The following PHLDB2 variants were observed in gnomAD, a reference collection of about 807,000 sequenced individuals.
PHLDB2 encodes pleckstrin homology-like domain family B member 2.
Under a neutral mutation model 123.6 loss-of-function variants are expected in PHLDB2, and 71 were observed. The observed-to-expected ratio is 0.57, with a 90% CI of 0.47 to 0.70. PHLDB2 has a LOEUF of 0.70. PHLDB2 is among the 30% of genes least tolerant of loss of function. The pLI is 0.00. For synonymous variants in PHLDB2, 547 were observed against 541.6 expected (o/e 1.01, Z -0.14); for missense variants, 1,446 against 1,519.5 (o/e 0.95, Z 0.80).
intron 2 of PHLDB2, among the ~76,000 whole-genome samples, chr3:111,908,752 A>G (rs1213108649): frequency 1.3e-5 from 2 of 152,206 alleles, no homozygotes; most frequent in Admixed American, 6.5e-5. Flanking sequence ...TTTATCTCTA[A>G]AACAGACAGA....
At chr3:111,965,547 G>T (rs1362596687) in intron 13 of PHLDB2, among the ~76,000 whole-genome samples, 1 of 152,110 alleles carries the variant, frequency 6.6e-6, no homozygotes, top group East Asian at 1.9e-4. Context: ...AATTTTTAAT[G>T]AATTTATTTT....
At chr3:111,793,573 G>A (rs538312837) in intron 1 of PHLDB2, among the ~76,000 whole-genome samples, 15 of 152,022 alleles carry the variant, frequency 9.9e-5, no homozygotes, top group African/African-American at 3.6e-4. Context: ...CTTTTTCCAA[G>A]CAGAAAGAGT....
chr3:111,735,167 A>G (rs926691506), intron 1 of PHLDB2, among the ~76,000 whole-genome samples: 2 of 152,232 alleles, frequency 1.3e-5, no homozygotes, highest in African/African-American at 4.8e-5. Flanking sequence ...AGAATTTACT[A>G]TCTCATCTCA....
At position 111,952,595 on chromosome 3, in the gene PHLDB2, G is replaced by C; in HGVS notation, c.2655G>C (p.Arg885Ser). 6.2e-7 allele frequency: 1 copy of C among 1,612,784 alleles called. No homozygotes were observed. The highest frequency in any genetic ancestry group is 8.5e-7 in the Non-Finnish European group (1 of 1,179,520). Residue 885 changes from arginine (R) to serine (S), a missense_variant, in exon 11 of 18, where the codon AGG becomes AGC. By Grantham distance (110) the Arg-to-Ser change is moderately radical (BLOSUM62 -1). Transcript: ENST00000431670. ...AGCACTTTAGAAGTCTGGAAGAAAG[G>C]AAAAAACAGCATAAAGAAGGCCTCT... ...SKEHFRSLEE[R>S]KKQHKEGLYL...
intron 12 of PHLDB2, chr3:111,960,098 TG>T (rs1282284267): frequency 3.4e-5 from 23 of 683,394 alleles, no homozygotes; most frequent in Admixed American, 6.3e-5. Flanking sequence ...TAATTTCTGT[TG>T]TTTTTTTGTC....
At chr3:111,926,096 A>G (rs1228661055) in intron 5 of PHLDB2, among the ~76,000 whole-genome samples, 4 of 152,240 alleles carry the variant, frequency 2.6e-5, no homozygotes, top group Non-Finnish European at 5.9e-5. Flanking sequence ...TTTTGTAGCC[A>G]TCCTAGCCTG....
chr3:111,968,928 C>T (rs993299785), intron 15 of PHLDB2, among the ~76,000 whole-genome samples: 2 of 152,004 alleles, frequency 1.3e-5, no homozygotes, highest in African/African-American at 2.4e-5. Context: ...GTCATTTCCC[C>T]GAGGCAAAGA....
intron 1 of PHLDB2, among the ~76,000 whole-genome samples, chr3:111,735,231 C>A (rs1941646360): frequency 6.6e-6 from 1 of 152,174 alleles, no homozygotes; most frequent in East Asian, 1.9e-4. Flanking sequence ...AGGCTTAAAG[C>A]CCGAGAAACC....
chr3:111,966,466 A>G, intron 13 of PHLDB2, 147 bp from the exon 14 acceptor site: 1 of 459,904 alleles, frequency 2.2e-6, no homozygotes, highest in Non-Finnish European at 3.9e-6. Context: ...TAAATTATAT[A>G]TGCTTGGATT....
chr3:111,781,213 T>A (rs1314291384), intron 1 of PHLDB2, among the ~76,000 whole-genome samples: 1 of 152,088 alleles, frequency 6.6e-6, no homozygotes, highest in Non-Finnish European at 1.5e-5. Flanking sequence ...TCTTTACTTA[T>A]GTCTGATGAA....
rs577631294 is a variant in PHLDB2 at position 111,901,545 on chromosome 3, A to G, written c.1336-11774A>G. The stretch of plus-strand genomic sequence containing the variant: ...AATCTTATTTTTTAAAGGATAGGAT[A>G]TGTTTTCAAACATCAGGATTTAAAG... On this transcript the variant is annotated intron_variant, in intron 2 of 17. Transcript: ENST00000431670. Among the ~76,000 whole-genome samples, 16 of 151,642 alleles carry G rather than the reference A, an allele frequency of 1.1e-4. 1 individual carries two copies. In the South Asian group the frequency reaches 3.4e-3, roughly 32 times the overall value.
chr3:111,859,952 C>T, intron 1 of PHLDB2: 17 of 969,248 alleles, frequency 1.8e-5, no homozygotes, highest in Non-Finnish European at 2.1e-5. Flanking sequence ...GGGCTGGGGT[C>T]GGCAGTGCCC....
intron 1 of PHLDB2, among the ~76,000 whole-genome samples, chr3:111,880,548 G>A (rs945177974): frequency 2.6e-5 from 4 of 152,194 alleles, no homozygotes; most frequent in African/African-American, 9.7e-5. Flanking sequence ...TGAAGGCTCA[G>A]GGTTAGCGGC....
intron 1 of PHLDB2, among the ~76,000 whole-genome samples, chr3:111,766,979 C>T (rs1356733278): frequency 2.9e-5 from 4 of 135,818 alleles, no homozygotes; most frequent in South Asian, 2.4e-4. Context: ...TGCAGTGAGC[C>T]GAGATTGTGC....
intron 1 of PHLDB2, among the ~76,000 whole-genome samples, chr3:111,777,755 A>C (rs555629453): frequency 6.6e-6 from 1 of 152,264 alleles, no homozygotes; most frequent in South Asian, 2.1e-4. Context: ...GTCCTATCAC[A>C]TGAGCTGAAT....
chr3:111,883,896 C>A, intron 1 of PHLDB2, 168 bp from the exon 2 acceptor site: 1 of 608,118 alleles, frequency 1.6e-6, no homozygotes, highest in South Asian at 2.2e-5. Flanking sequence ...CTTTATTCTC[C>A]TTTAATTTGC....
intron 1 of PHLDB2, among the ~76,000 whole-genome samples, chr3:111,860,761 GA>G (rs1170374167): frequency 6.6e-6 from 1 of 152,180 alleles, no homozygotes; most frequent in Non-Finnish European, 1.5e-5. Flanking sequence ...CTCTTCCCTA[GA>G]AATCTTTATC....
Position 111,952,310 on chromosome 3 carries a change from A to C in PHLDB2, c.2632-262A>C, listed in dbSNP as rs531589411. ...TCATAATAATTTGTAAGTTGTCCTG[A>C]GGCCCCAAGGCCGCAGGCACTACAG... On this transcript the variant is annotated intron_variant, in intron 10 of 17. Coordinates refer to ENST00000431670, the MANE Select transcript of PHLDB2 (RefSeq NM_001134438.2). 2.3e-4 allele frequency among the ~76,000 whole-genome samples: 35 copies of C among 152,330 alleles called. No individual in the cohort carries two copies. In the South Asian group the frequency reaches 4.6e-3, roughly 20 times the overall value.
At chr3:111,815,817 G>A (rs769705791) in intron 1 of PHLDB2, among the ~76,000 whole-genome samples, 1 of 152,190 alleles carries the variant, frequency 6.6e-6, no homozygotes, top group Non-Finnish European at 1.5e-5. Context: ...AGACAATGGG[G>A]ACAATGTCTC....
Sources: allele counts gnomAD v4.1 joint callset (sites outside exome capture counted in the v4.1 genomes callset), GRCh38; gene constraint gnomAD v4.1.1; transcripts MANE v1.5; gene names NCBI Gene and HGNC (gene_info 2026-07-23, HGNC 2026-07-21).